NUB1: variants seen among roughly 807,000 people sequenced by gnomAD.
The protein encoded by NUB1 is NEDD8 ultimate buster 1.
Under a neutral mutation model 77.1 loss-of-function variants are expected in NUB1, and 41 were observed. The ratio of observed to expected loss-of-function variants is 0.53; its 90% CI spans 0.41 to 0.69. The LOEUF (loss-of-function observed/expected upper bound fraction) is 0.69, where lower values mean the gene tolerates loss of function less well. Among genes scored for constraint, NUB1 ranks in the 30% least tolerant of loss-of-function variants. The pLI, the probability that NUB1 is intolerant of heterozygous loss-of-function variation, is 0.00. For synonymous variants in NUB1, 257 were observed against 281.0 expected (o/e 0.91, Z 0.85); for missense variants, 643 against 743.8 (o/e 0.86, Z 1.58).
chr7:151,355,858 T>A lies in NUB1; in HGVS notation c.506T>A (p.Phe169Tyr), dbSNP rs1353468861. Residue 169 changes from phenylalanine (F) to tyrosine (Y), a missense_variant, in exon 6 of 15, where the codon TTC (phenylalanine) becomes TAC (tyrosine). By Grantham distance (22) the Phe-to-Tyr change is conservative (BLOSUM62 3). Transcript: ENST00000568733. ...KQSEEDARKNFQLEEEEQNEA... is the reference protein window; with the variant it reads ...KQSEEDARKNYQLEEEEQNEA... ...TCTGAAGAGGACGCGAGGAAAAACT[T>A]CCAGTTAGAGGAAGAGGAGCAAAAT... 1 of 1,613,254 alleles carries A rather than the reference T, an allele frequency of 6.2e-7. No individual in the cohort carries two copies. Among genetic ancestry groups the A allele is most frequent in the Non-Finnish European group, 8.5e-7 (1 of 1,179,674 alleles).
chr7:151,375,716 T>C (rs984615922), intron 12 of NUB1, 132 bp from the exon 13 acceptor site: 5 of 642,864 alleles, frequency 7.8e-6, no homozygotes, highest in Admixed American at 6.5e-5. Context: ...CCAGCCTGAG[T>C]GGGAGCCCCT....
At chr7:151,359,214 A>G (rs1324529222) in intron 7 of NUB1, among the ~76,000 whole-genome samples, 3 of 136,146 alleles carry the variant, frequency 2.2e-5, no homozygotes, top group South Asian at 2.5e-4. Flanking sequence ...CGAGGCGGGC[A>G]GATCACGAGG....
In NUB1 at chr7:151,368,751, A is replaced by C; in HGVS notation, c.1112A>C (p.Lys371Thr). 5 of 1,609,788 alleles carry C rather than the reference A, an allele frequency of 3.1e-6. No homozygotes were observed. Among genetic ancestry groups the C allele is most frequent in the Non-Finnish European group, 4.2e-6 (5 of 1,178,138 alleles). ...EYLNKARQLF[K>T]ELYIDPSKVD... Reference sequence around the variant, plus strand: ...TGTCTCTAGGCACGTCAGCTCTTTAAAGAGCTATATATTGATCCATCAAAA... The same window carrying C: ...TGTCTCTAGGCACGTCAGCTCTTTACAGAGCTATATATTGATCCATCAAAA... Residue 371 changes from lysine (K) to threonine (T), a missense_variant, in exon 11 of 15, where the codon AAA (lysine) becomes ACA (threonine). By Grantham distance (78) the Lys-to-Thr change is moderately conservative. Transcript: ENST00000568733.
At chr7:151,353,172 T>C (rs1796898920) in intron 5 of NUB1, among the ~76,000 whole-genome samples, 1 of 152,162 alleles carries the variant, frequency 6.6e-6, no homozygotes, top group Non-Finnish European at 1.5e-5. Flanking sequence ...TTCCAGCAAA[T>C]TCTTCTTGAA....
intron 9 of NUB1, 143 bp from the exon 10 acceptor site, chr7:151,367,718 G>A (rs1459154876): frequency 1.7e-6 from 1 of 584,446 alleles, no homozygotes; most frequent in Non-Finnish European, 3.0e-6. Flanking sequence ...CTTCACTTTT[G>A]CCGTCAGTCA....
rs765825472 is a variant in NUB1 at position 151,377,458 on chromosome 7, G to A, written c.*233G>A. On this transcript the variant is annotated 3_prime_UTR_variant, in exon 15 of 15. Coordinates refer to ENST00000568733, the MANE Select transcript of NUB1 (RefSeq NM_001243351.2). ...CGTTCCATCTGCCTCCCAGGTCTGC[G>A]TCCCTAACCCCTTCCCCAGCTTGGT... is the stretch of plus-strand genomic sequence containing the variant. The A allele has an allele frequency of 3.0e-5, 11 of 362,790 alleles. No individual in the cohort carries two copies. The highest frequency in any genetic ancestry group is 1.9e-4 in the South Asian group (4 of 21,468). The allele number at this position is 362,790 out of a possible 1,614,324, so 22.5% of individuals were successfully genotyped here. A position where few individuals can be genotyped will look rare whatever the true frequency, so the allele number is the denominator to read the frequency against.
intron 4 of NUB1, among the ~76,000 whole-genome samples, chr7:151,351,935 A>ACACC (rs1327435147): frequency 3.3e-5 from 5 of 151,456 alleles, no homozygotes; most frequent in African/African-American, 1.2e-4. Flanking sequence ...ACACACACAC[A>ACACC]CGTTTGCCAC....
At chr7:151,342,004 C>G (rs1041687990) in intron 1 of NUB1, 158 bp downstream of exon 1, 9 of 1,261,878 alleles carry the variant, frequency 7.1e-6, no homozygotes, top group East Asian at 3.3e-5. Context: ...GGGCCGGGGC[C>G]GGGGCCGGGA....
Position 151,352,882 on chromosome 7 carries a change from G to GGTAGGTATGGCAAA in NUB1, c.415+3_415+4insGGTATGGCAAAGTA. On this transcript the variant is annotated frameshift_variant and splice_region_variant. Transcript: ENST00000568733. LOFTEE classifies it high-confidence loss of function. ...CATAAATAAGAAGCAACTACAACTA[G>GGTAGGTATGGCAAA]GTATGTATGGCAAAGTATGCATAAT... 1 of 1,488,354 alleles carries GGTAGGTATGGCAAA rather than the reference G, an allele frequency of 6.7e-7. No homozygotes were observed. Among genetic ancestry groups the GGTAGGTATGGCAAA allele is most frequent in the Non-Finnish European group, 9.3e-7 (1 of 1,078,220 alleles). 92.2% of individuals were successfully genotyped at this position (1,488,354 alleles called of 1,614,324 possible). A position where few individuals can be genotyped will look rare whatever the true frequency, so the allele number is the denominator to read the frequency against.
intron 12 of NUB1, 82 bp downstream of exon 12, chr7:151,374,325 C>A (rs1798104891): frequency 6.7e-7 from 1 of 1,488,808 alleles, no homozygotes; most frequent in African/African-American, 1.4e-5. Flanking sequence ...CTCCAGCATC[C>A]TCCCGGGCTC....
rs1798394409 is a variant in NUB1, at chr7:151,378,142, C to G, written c.*917C>G. The stretch of plus-strand genomic sequence containing the variant: ...GTATGTAGTTCGCTGTGTGTCGGCT[C>G]CAGCAGTAACCGTCCTCACTGCGCC... On this transcript the variant is annotated 3_prime_UTR_variant, in exon 15 of 15. Transcript: ENST00000568733. 1 of 152,146 alleles carries G rather than the reference C, an allele frequency of 6.6e-6. No homozygotes were observed. The highest frequency in any genetic ancestry group is 2.1e-4 in the South Asian group (1 of 4,830). 9.4% of individuals were successfully genotyped at this position (152,146 alleles called of 1,614,324 possible).
chr7:151,353,837 C>T (rs554338564), intron 5 of NUB1, among the ~76,000 whole-genome samples: 1 of 152,316 alleles, frequency 6.6e-6, no homozygotes, highest in African/African-American at 2.4e-5. Flanking sequence ...CAGCCCTTCA[C>T]AGCTCACCCT....
chr7:151,372,607 C>T lies in NUB1; in HGVS notation c.1249-1490C>T, dbSNP rs566419468. Reference sequence around the variant, plus strand: ...GAGTGGTATGAAAGACTCCTGCTGGCATGTGTGGTTGGGGTGGTGTGGCAG... The same window carrying T: ...GAGTGGTATGAAAGACTCCTGCTGGTATGTGTGGTTGGGGTGGTGTGGCAG... On this transcript the variant is annotated intron_variant, in intron 11 of 14. Transcript: ENST00000568733. 1.2e-4 allele frequency among the ~76,000 whole-genome samples: 19 copies of T among 152,200 alleles called. No homozygotes were observed. In the East Asian group the frequency reaches 1.5e-3, roughly 12 times the overall value.
At chr7:151,354,844 G>A (rs965870210) in intron 5 of NUB1, among the ~76,000 whole-genome samples, 1 of 152,210 alleles carries the variant, frequency 6.6e-6, no homozygotes, top group Non-Finnish European at 1.5e-5. Flanking sequence ...CCAGGTGCAA[G>A]CAATCCTCCC....
chr7:151,368,955 T>G, intron 11 of NUB1, 68 bp downstream of exon 11: 1 of 1,473,112 alleles, frequency 6.8e-7, no homozygotes, highest in Non-Finnish European at 9.1e-7. Context: ...CCCACAGGAG[T>G]GTTAATAACC....
intron 8 of NUB1, among the ~76,000 whole-genome samples, chr7:151,363,991 A>G (rs1797514374): frequency 1.3e-5 from 2 of 151,248 alleles, no homozygotes; most frequent in Non-Finnish European, 2.9e-5. Flanking sequence ...ACGGGGTTTC[A>G]CTATGTTGGC....
At chr7:151,357,965 A>C (rs771680495) in intron 7 of NUB1, among the ~76,000 whole-genome samples, 4 of 150,672 alleles carry the variant, frequency 2.7e-5, no homozygotes, top group Admixed American at 6.6e-5. Context: ...TTATCAGTAG[A>C]TTGATGTTTG....
In NUB1 at chr7:151,355,960, GCT is replaced by G. The variant is rs1797044484; in HGVS notation, c.598+13_598+14del. On this transcript the variant is annotated intron_variant, in intron 6 of 14. Transcript: ENST00000568733. ...ATACTGGCAAAGAGAGGTACCCAGAGCTCTGGGCTTGTCACCCACTCAGCTGC... is the reference window on the plus strand; with the variant it reads ...ATACTGGCAAAGAGAGGTACCCAGAGCTGGGCTTGTCACCCACTCAGCTGC... 1 of 1,612,590 alleles carries G rather than the reference GCT, an allele frequency of 6.2e-7. No homozygotes were observed. Among genetic ancestry groups the G allele is most frequent in the African/African-American group, 1.3e-5 (1 of 74,826 alleles).
chr7:151,351,211 G>A (rs1442271573), intron 3 of NUB1: 1 of 542,470 alleles, frequency 1.8e-6, no homozygotes, highest in Non-Finnish European at 3.3e-6. Flanking sequence ...GCCCTGCCTG[G>A]TGGTGCCACG....
Sources: allele counts gnomAD v4.1 joint callset (sites outside exome capture counted in the v4.1 genomes callset), GRCh38; gene constraint gnomAD v4.1.1; transcripts MANE v1.5; gene names NCBI Gene and HGNC (gene_info 2026-07-23, HGNC 2026-07-21).